The following NDST3 variants were observed in gnomAD, a reference collection of about 807,000 sequenced individuals.
NDST3 encodes bifunctional heparan sulfate N-deacetylase/N-sulfotransferase 3.
Under a neutral mutation model 96.1 loss-of-function variants are expected in NDST3, and 58 were observed. The ratio of observed to expected loss-of-function variants is 0.60; its 90% confidence interval spans 0.49 to 0.75. NDST3 has a LOEUF of 0.75. Ranked by LOEUF, NDST3 falls within the 30% of genes least tolerant of loss-of-function variation. The pLI is 0.00. For missense variants in NDST3, 788 were observed against 1,034.2 expected (o/e 0.76, Z 3.27); for synonymous variants, 333 against 359.7 (o/e 0.93, Z 0.84).
At chr4:118,254,245 CAAAAA>C (rs33924467) in intron 13 of NDST3, among the ~76,000 whole-genome samples, 6 of 127,664 alleles carry the variant, frequency 4.7e-5, no homozygotes, top group Admixed American at 1.6e-4. Context: ...AACTCCAACT[CAAAAA>C]AAAAAAAAAA....
Position 118,054,326 on chromosome 4 carries a change from A to G in NDST3, c.416A>G (p.Tyr139Cys). The stretch of plus-strand genomic sequence containing the variant: ...ATTATTTATGAGAATATTTTAAAGT[A>G]TATAAATATGGATTCCTGGAATCGA... ...ILIIYENILK[Y>C]INMDSWNRSL... The change falls in exon 2 of 14, where the codon TAT (tyrosine) becomes TGT (cysteine). Residue 139 changes from tyrosine to cysteine, a missense_variant. Transcript: ENST00000296499. The G allele has an allele frequency of 1.2e-6, 2 of 1,609,128 alleles. No individual in the cohort carries two copies. Among genetic ancestry groups the G allele is most frequent in the Non-Finnish European group, 1.7e-6 (2 of 1,176,628 alleles).
chr4:118,176,816 T>C (rs1736310052), intron 6 of NDST3, among the ~76,000 whole-genome samples: 2 of 152,034 alleles, frequency 1.3e-5, no homozygotes, highest in Admixed American at 1.3e-4. Flanking sequence ...TGATGAAAGA[T>C]CTGGAAAATA....
intron 2 of NDST3, among the ~76,000 whole-genome samples, chr4:118,057,988 T>G (rs1204805904): frequency 6.6e-6 from 1 of 152,022 alleles, no homozygotes; most frequent in Non-Finnish European, 1.5e-5. Flanking sequence ...TAAGGAAGAA[T>G]AATCAAAAAT....
intron 4 of NDST3, among the ~76,000 whole-genome samples, chr4:118,137,624 TAAC>T (rs1733218251): frequency 6.6e-6 from 1 of 152,204 alleles, no homozygotes; most frequent in Non-Finnish European, 1.5e-5. Context: ...AATAAAATCT[TAAC>T]AGCAGCCTAA....
chr4:118,105,749 A>G (rs951984720), intron 3 of NDST3, among the ~76,000 whole-genome samples: 11 of 152,212 alleles, frequency 7.2e-5, no homozygotes, highest in Non-Finnish European at 1.6e-4. Context: ...TTTTCTGAAT[A>G]GAAATGTTCA....
At chr4:118,135,122 T>G (rs1299265827) in intron 4 of NDST3, among the ~76,000 whole-genome samples, 1 of 152,194 alleles carries the variant, frequency 6.6e-6, no homozygotes, top group Non-Finnish European at 1.5e-5. Flanking sequence ...TGGTGATGAA[T>G]GCAAATTTGG....
At chr4:118,167,754 C>G (rs1048283843) in intron 6 of NDST3, among the ~76,000 whole-genome samples, 2 of 151,952 alleles carry the variant, frequency 1.3e-5, no homozygotes, top group Non-Finnish European at 2.9e-5. Context: ...AGAAATAAAT[C>G]TATGCATATG....
intron 6 of NDST3, among the ~76,000 whole-genome samples, chr4:118,170,322 A>C (rs2125936398): frequency 6.6e-6 from 1 of 152,336 alleles, no homozygotes; most frequent in Non-Finnish European, 1.5e-5. Context: ...TTATATAAAA[A>C]ATGTACTTAT....
At chr4:118,202,212 G>T (rs1738136213) in intron 6 of NDST3, among the ~76,000 whole-genome samples, 1 of 151,996 alleles carries the variant, frequency 6.6e-6, no homozygotes, top group Non-Finnish European at 1.5e-5. Context: ...GTAGTAGTAG[G>T]AGTAGTAGTG....
At chr4:118,049,292 T>C (rs1724941587) in intron 1 of NDST3, among the ~76,000 whole-genome samples, 3 of 151,786 alleles carry the variant, frequency 2.0e-5, no homozygotes, top group African/African-American at 7.3e-5. Context: ...AAATTAACAA[T>C]CTACCTTTGT....
At chr4:118,085,013 A>G (rs1049225807) in intron 2 of NDST3, among the ~76,000 whole-genome samples, 3 of 152,064 alleles carry the variant, frequency 2.0e-5, no homozygotes, top group Admixed American at 6.5e-5. Context: ...AGTCCCAGGT[A>G]CTCCGGAGGC....
At chr4:118,218,478 A>T (rs1422375592) in intron 6 of NDST3, among the ~76,000 whole-genome samples, 1 of 152,044 alleles carries the variant, frequency 6.6e-6, no homozygotes, top group Non-Finnish European at 1.5e-5. Context: ...AAAGGCCTTC[A>T]ATAAAATTCA....
chr4:118,090,890 A>C (rs1410056014), intron 2 of NDST3, among the ~76,000 whole-genome samples: 2 of 151,924 alleles, frequency 1.3e-5, no homozygotes, highest in African/African-American at 4.8e-5. Context: ...AGATGTAAAG[A>C]GATAAAATAT....
intron 4 of NDST3, among the ~76,000 whole-genome samples, chr4:118,123,395 T>C (rs1406703030): frequency 6.6e-6 from 1 of 152,176 alleles, no homozygotes; most frequent in East Asian, 1.9e-4. Flanking sequence ...GGATTATTTA[T>C]AGCTTTCTTA....
intron 6 of NDST3, among the ~76,000 whole-genome samples, chr4:118,213,774 T>G (rs1192747419): frequency 6.6e-6 from 1 of 150,840 alleles, no homozygotes; most frequent in Non-Finnish European, 1.5e-5. Flanking sequence ...TTTTTAAATA[T>G]GAAAACAATT....
intron 1 of NDST3, among the ~76,000 whole-genome samples, chr4:118,035,809 T>C (rs1724118884): frequency 1.3e-5 from 2 of 152,058 alleles, no homozygotes; most frequent in Non-Finnish European, 2.9e-5. Flanking sequence ...TAAATAATGT[T>C]AATTTTGAGC....
chr4:118,161,313 G>A (rs1735110316), intron 6 of NDST3, among the ~76,000 whole-genome samples: 2 of 152,198 alleles, frequency 1.3e-5, no homozygotes, highest in Admixed American at 1.3e-4. Context: ...GCTGCTCGGG[G>A]GTCAGGGTCA....
rs375046877 is a variant in NDST3 at position 118,105,112 on chromosome 4, A to C, written c.1069+7A>C. On this transcript the variant is annotated splice_region_variant and intron_variant, in intron 3 of 13. Coordinates refer to ENST00000296499, the MANE Select transcript of NDST3 (RefSeq NM_004784.3). ...GGGAAATTTTACCATACAGGTAAGA[A>C]AAAGGGATTAACTGTTCTCATTAAG... 727 of 1,599,312 alleles carry C rather than the reference A, an allele frequency of 4.5e-4. 3 individuals carry two copies. The highest frequency in any genetic ancestry group is 3.3e-4 in the Non-Finnish European group (380 of 1,166,864).
chr4:118,091,190 C>T (rs1728839046), intron 2 of NDST3, among the ~76,000 whole-genome samples: 2 of 151,580 alleles, frequency 1.3e-5, no homozygotes, highest in African/African-American at 4.8e-5. Context: ...CTATTGGGTA[C>T]CATGCTCATT....
Sources: allele counts gnomAD v4.1 joint callset (sites outside exome capture counted in the v4.1 genomes callset), GRCh38; gene constraint gnomAD v4.1.1; transcripts MANE v1.5; gene names NCBI Gene and HGNC (gene_info 2026-07-23, HGNC 2026-07-21).